Variants in EMB observed in about 807,000 individuals in gnomAD.
EMB encodes the protein embigin homolog.
EMB carries 31 observed loss-of-function variants against 41.4 expected under a neutral mutation model. The observed-to-expected ratio is 0.75, with a 90% CI of 0.56 to 1.01. The LOEUF (loss-of-function observed/expected upper bound fraction) is 1.01. Ranked by LOEUF, EMB falls within the 50% of genes least tolerant of loss-of-function variation. The probability of loss-of-function intolerance (pLI) is 0.00; values close to 1 mark genes in which losing one functional copy is unlikely to be tolerated. For synonymous variants in EMB, 137 were observed against 140.4 expected, an observed-to-expected ratio of 0.98 and a Z score of 0.17; for missense variants, 379 against 388.3, an observed-to-expected ratio of 0.98 and a Z score of 0.20.
chr5:50,436,364 T>C (rs1745802582), intron 1 of EMB, among the ~76,000 whole-genome samples: 1 of 152,182 alleles, frequency 6.6e-6, no homozygotes, highest in Non-Finnish European at 1.5e-5. Flanking sequence ...CTTTATTTCA[T>C]TCTTCTCTAG....
intron 1 of EMB, among the ~76,000 whole-genome samples, chr5:50,430,570 G>C (rs1261393320): frequency 7.1e-6 from 1 of 141,012 alleles, no homozygotes; most frequent in Non-Finnish European, 1.5e-5. Flanking sequence ...GGGCTATGTG[G>C]ATCATAATAG....
At chr5:50,402,232 T>C (rs1745174313) in intron 7 of EMB, 54 bp downstream of exon 7, 2 of 1,546,530 alleles carry the variant, frequency 1.3e-6, no homozygotes, top group South Asian at 2.2e-5. Context: ...TTCAATTTTA[T>C]GTTTCCCTGT....
At chr5:50,430,521 T>C (rs9292005) in intron 1 of EMB, among the ~76,000 whole-genome samples, 59,937 of 151,918 alleles carry the variant, frequency 0.39, 12,350 homozygotes, top group African/African-American at 0.51. Flanking sequence ...CACTTGGTAC[T>C]GATGGAGAAT....
At chr5:50,425,675 A>T (rs1306972207) in intron 2 of EMB, among the ~76,000 whole-genome samples, 1 of 151,172 alleles carries the variant, frequency 6.6e-6, no homozygotes, top group Non-Finnish European at 1.5e-5. Context: ...TTACTTTCAC[A>T]AATTTATGAT....
At position 50,397,353 on chromosome 5, in the gene EMB, T is replaced by C. The variant is rs752526751; in HGVS notation, c.*1920A>G. 8 of 152,094 alleles carry C rather than the reference T, an allele frequency of 5.3e-5. No homozygotes were observed. Among genetic ancestry groups the C allele is most frequent in the Non-Finnish European group, 8.8e-5 (6 of 68,000 alleles). The allele number at this position is 152,094 out of a possible 1,614,324, so 9.4% of individuals were successfully genotyped here. A position where few individuals can be genotyped will look rare whatever the true frequency, so the allele number is the denominator to read the frequency against. On this transcript the variant is annotated 3_prime_UTR_variant, in exon 9 of 9. Coordinates refer to ENST00000303221, the MANE Select transcript of EMB (RefSeq NM_198449.3). ...TCCTATTTAAGGTTACTGAGATAAA[T>C]TGTCTTTGCTAGAAAAAAATAAACA...
intron 1 of EMB, among the ~76,000 whole-genome samples, chr5:50,436,425 C>G (rs541541148): frequency 6.1e-4 from 93 of 152,270 alleles, no homozygotes; most frequent in South Asian, 1.7e-3. Context: ...TTTGATCCAT[C>G]ACCCTGTATA....
intron 4 of EMB, among the ~76,000 whole-genome samples, chr5:50,408,052 T>G (rs983182545): frequency 2.0e-5 from 3 of 151,992 alleles, no homozygotes; most frequent in African/African-American, 7.2e-5. Flanking sequence ...AACACTGGGA[T>G]CCAGGGCTGA....
intron 2 of EMB, among the ~76,000 whole-genome samples, chr5:50,426,854 T>C (rs1745618539): frequency 1.3e-5 from 2 of 151,408 alleles, no homozygotes; most frequent in African/African-American, 4.9e-5. Context: ...TGGAGTTATC[T>C]TGTCATTTTC....
At chr5:50,412,472 T>C (rs564157953) in intron 2 of EMB, among the ~76,000 whole-genome samples, 1 of 152,092 alleles carries the variant, frequency 6.6e-6, no homozygotes, top group East Asian at 1.9e-4. Flanking sequence ...TGAGAAATCT[T>C]CACACCACAC....
At chr5:50,401,206 T>C (rs1175372375) in intron 7 of EMB, among the ~76,000 whole-genome samples, 1 of 152,062 alleles carries the variant, frequency 6.6e-6, no homozygotes. Flanking sequence ...TATCTGGTGT[T>C]ATAGGATTTC....
chr5:50,409,695 C>A (rs1745303629), intron 4 of EMB, among the ~76,000 whole-genome samples: 1 of 148,790 alleles, frequency 6.7e-6, no homozygotes, highest in African/African-American at 2.5e-5. Context: ...AGGGGAAGGG[C>A]AGATGGGGCA....
intron 1 of EMB, chr5:50,428,626 C>G (rs1745663008): frequency 2.0e-6 from 2 of 985,928 alleles, no homozygotes; most frequent in South Asian, 4.7e-5. Context: ...ACAGGCAGAC[C>G]TTAATAAAGA....
chr5:50,441,029 AC>A lies in EMB; in HGVS notation c.112+10del. On this transcript the variant is annotated intron_variant, in intron 1 of 8. Coordinates refer to ENST00000303221, the MANE Select transcript of EMB (RefSeq NM_198449.3). Reference sequence around the variant, plus strand: ...CCGCCCTCCCTACCCTGGACCCTGTACCCATCACACCTGGGGCACTGCCGTC... The same window carrying A: ...CCGCCCTCCCTACCCTGGACCCTGTACCATCACACCTGGGGCACTGCCGTC... 1 of 1,475,416 alleles carries A rather than the reference AC, an allele frequency of 6.8e-7. No homozygotes were observed. The highest frequency in any genetic ancestry group is 9.0e-7 in the Non-Finnish European group (1 of 1,109,376). The allele number at this position is 1,475,416 out of a possible 1,614,324, so 91.4% of individuals were successfully genotyped here.
chr5:50,410,625 T>C (rs1745320761), intron 4 of EMB, among the ~76,000 whole-genome samples: 1 of 152,098 alleles, frequency 6.6e-6, no homozygotes, highest in Non-Finnish European at 1.5e-5. Flanking sequence ...TATAATTCAC[T>C]AATAATGTGG....
chr5:50,416,945 T>C (rs1745439326), intron 2 of EMB, among the ~76,000 whole-genome samples: 1 of 152,116 alleles, frequency 6.6e-6, no homozygotes, highest in Admixed American at 6.5e-5. Context: ...TAATTAAAAG[T>C]AGTATAAACA....
chr5:50,400,259 T>C (rs779568532), intron 7 of EMB, among the ~76,000 whole-genome samples: 6 of 151,978 alleles, frequency 3.9e-5, no homozygotes, highest in Admixed American at 1.3e-4. Flanking sequence ...ACATGTGTGA[T>C]ATTGGTGCTA....
At chr5:50,440,390 C>T (rs1253504261) in intron 1 of EMB, among the ~76,000 whole-genome samples, 1 of 151,636 alleles carries the variant, frequency 6.6e-6, no homozygotes, top group Non-Finnish European at 1.5e-5. Flanking sequence ...AAAATTAGCC[C>T]GGCGTGGTGG....
At chr5:50,421,499 G>A (rs1349619444) in intron 2 of EMB, among the ~76,000 whole-genome samples, 2 of 152,002 alleles carry the variant, frequency 1.3e-5, no homozygotes, top group Non-Finnish European at 2.9e-5. Flanking sequence ...ATTCCTCAGG[G>A]ATCTAGAACT....
chr5:50,436,100 C>T (rs931022979), intron 1 of EMB, among the ~76,000 whole-genome samples: 1 of 152,144 alleles, frequency 6.6e-6, no homozygotes, highest in African/African-American at 2.4e-5. Flanking sequence ...ATACTCATCA[C>T]TACTGGAAAT....
Sources: gnomAD v4.1 joint callset for allele counts (sites outside exome capture counted in the v4.1 genomes callset) on GRCh38, gnomAD v4.1.1 for gene constraint, MANE v1.5 for transcripts, NCBI Gene and HGNC (gene_info 2026-07-23, HGNC 2026-07-21) for gene names.